The following PDE4B variants were observed in gnomAD, a reference collection of about 807,000 sequenced individuals.
The protein encoded by PDE4B is phosphodiesterase 4B.
PDE4B carries 20 observed loss-of-function variants against 82.2 expected under a neutral mutation model. The ratio of observed to expected loss-of-function variants is 0.24; its 90% CI spans 0.17 to 0.35. The LOEUF is 0.35. Among genes scored for constraint, PDE4B ranks in the 10% least tolerant of loss-of-function variants. The probability of loss-of-function intolerance (pLI) is 1.00; values close to 1 mark genes in which losing one functional copy is unlikely to be tolerated. For synonymous variants in PDE4B, 320 were observed against 318.9 expected, an observed-to-expected ratio of 1.00 and a Z score of -0.04; for missense variants, 655 against 907.2, an observed-to-expected ratio of 0.72 and a Z score of 3.57.
At chr1:65,880,027 A>G (rs1433586104) in intron 1 of PDE4B, among the ~76,000 whole-genome samples, 1 of 152,162 alleles carries the variant, frequency 6.6e-6, no homozygotes, top group Non-Finnish European at 1.5e-5. Flanking sequence ...AATATGCATC[A>G]TGGTTACTAC....
chr1:66,361,231 C>A (rs2102027824), intron 9 of PDE4B, among the ~76,000 whole-genome samples: 1 of 152,124 alleles, frequency 6.6e-6, no homozygotes, highest in Admixed American at 6.5e-5. Flanking sequence ...ATTTAAAAAT[C>A]TACATATAAG....
At chr1:66,154,518 G>T (rs1331372593) in intron 3 of PDE4B, among the ~76,000 whole-genome samples, 1 of 152,190 alleles carries the variant, frequency 6.6e-6, no homozygotes, top group East Asian at 1.9e-4. Context: ...TGATCCTGCT[G>T]TCTGTTGTCC....
intron 7 of PDE4B, among the ~76,000 whole-genome samples, chr1:66,288,341 T>C (rs1656832762): frequency 6.6e-6 from 1 of 152,072 alleles, no homozygotes; most frequent in African/African-American, 2.4e-5. Context: ...TTCAGTCACT[T>C]TCAACCAGGC....
At chr1:66,266,482 A>G (rs1292962752) in intron 7 of PDE4B, among the ~76,000 whole-genome samples, 1 of 152,194 alleles carries the variant, frequency 6.6e-6, no homozygotes, top group Non-Finnish European at 1.5e-5. Context: ...CCCTGCGGAT[A>G]TGTTAGTGGT....
chr1:65,933,899 CTG>C (rs1647977714), intron 3 of PDE4B, among the ~76,000 whole-genome samples: 1 of 151,992 alleles, frequency 6.6e-6, no homozygotes, highest in African/African-American at 2.4e-5. Context: ...TTGAAAATAT[CTG>C]TAATTAAATA....
intron 16 of PDE4B, among the ~76,000 whole-genome samples, chr1:66,371,883 T>C (rs146042428): frequency 2.0e-5 from 3 of 152,338 alleles, no homozygotes; most frequent in Non-Finnish European, 4.4e-5. Flanking sequence ...GGCAAAGTCA[T>C]TCTTTGTCTT....
At chr1:66,005,010 A>G (rs1652069997) in intron 3 of PDE4B, among the ~76,000 whole-genome samples, 1 of 152,110 alleles carries the variant, frequency 6.6e-6, no homozygotes, top group Non-Finnish European at 1.5e-5. Flanking sequence ...GTTGAGAAGC[A>G]TGGGAAAAGA....
intron 3 of PDE4B, among the ~76,000 whole-genome samples, chr1:66,171,844 A>G (rs1166982974): frequency 6.6e-6 from 1 of 151,932 alleles, no homozygotes; most frequent in Admixed American, 6.6e-5. Context: ...AATGAAATAT[A>G]AAAAAAATTG....
At chr1:66,004,458 C>A (rs1032426280) in intron 3 of PDE4B, among the ~76,000 whole-genome samples, 10 of 151,934 alleles carry the variant, frequency 6.6e-5, no homozygotes, top group African/African-American at 2.4e-4. Flanking sequence ...GTAATAAATC[C>A]TTATGTGTTA....
chr1:65,842,198 A>G (rs1354049300), intron 1 of PDE4B, among the ~76,000 whole-genome samples: 1 of 152,160 alleles, frequency 6.6e-6, no homozygotes, highest in Non-Finnish European at 1.5e-5. Flanking sequence ...TTTATTGAGT[A>G]TTGACTTGCC....
At chr1:65,799,375 TCTCTCAGTACCC>T (rs1157530691) in intron 1 of PDE4B, among the ~76,000 whole-genome samples, 1 of 152,196 alleles carries the variant, frequency 6.6e-6, no homozygotes, top group African/African-American at 2.4e-5. Context: ...TGAGGTATAA[TCTCTCAGTACCC>T]CTTTTTTAAC....
At chr1:65,973,676 T>A (rs1650263523) in intron 3 of PDE4B, among the ~76,000 whole-genome samples, 1 of 152,200 alleles carries the variant, frequency 6.6e-6, no homozygotes, top group South Asian at 2.1e-4. Flanking sequence ...ACACAAGATC[T>A]CTCTCTTTAA....
chr1:66,054,029 T>C (rs1655175818), intron 3 of PDE4B, among the ~76,000 whole-genome samples: 1 of 152,120 alleles, frequency 6.6e-6, no homozygotes, highest in African/African-American at 2.4e-5. Context: ...ATCCAGGTTG[T>C]GTGCTCAAGG....
chr1:66,171,988 A>G (rs1646846035), intron 3 of PDE4B, among the ~76,000 whole-genome samples: 1 of 152,166 alleles, frequency 6.6e-6, no homozygotes, highest in Admixed American at 6.5e-5. Context: ...CAGGGAGTAT[A>G]TGTGCAGGTT....
At chr1:66,248,968 A>T (rs551295791) in intron 4 of PDE4B, among the ~76,000 whole-genome samples, 2 of 152,300 alleles carry the variant, frequency 1.3e-5, no homozygotes, top group African/African-American at 2.4e-5. Context: ...CTATCCCATG[A>T]CTGTGTATCA....
intron 3 of PDE4B, among the ~76,000 whole-genome samples, chr1:66,212,747 A>G (rs1276788974): frequency 6.6e-6 from 1 of 152,180 alleles, no homozygotes. Flanking sequence ...GACCTCCATC[A>G]TGATATATGC....
At chr1:65,961,199 A>G (rs895436460) in intron 3 of PDE4B, among the ~76,000 whole-genome samples, 1 of 152,158 alleles carries the variant, frequency 6.6e-6, no homozygotes, top group Non-Finnish European at 1.5e-5. Context: ...GCTACTTTAG[A>G]TGGAATTGTC....
intron 3 of PDE4B, among the ~76,000 whole-genome samples, chr1:66,127,019 C>T (rs535524151): frequency 5.7e-4 from 87 of 151,866 alleles, no homozygotes; most frequent in Non-Finnish European, 1.1e-3. Flanking sequence ...CTATTATAGA[C>T]TGAAGATAAA....
At chr1:66,244,774 C>A (rs1653174492) in intron 3 of PDE4B, among the ~76,000 whole-genome samples, 1 of 152,216 alleles carries the variant, frequency 6.6e-6, no homozygotes, top group South Asian at 2.1e-4. Flanking sequence ...TTCCAGCAAG[C>A]TCTCCTGAGT....
Sources: allele counts gnomAD v4.1 joint callset (sites outside exome capture counted in the v4.1 genomes callset), GRCh38; gene constraint gnomAD v4.1.1; transcripts MANE v1.5; gene names NCBI Gene and HGNC (gene_info 2026-07-23, HGNC 2026-07-21).